The following PPAT variants were observed in gnomAD, a reference collection of about 807,000 sequenced individuals.
PPAT encodes the protein amidophosphoribosyltransferase.
In PPAT, 20 loss-of-function variants were observed where a neutral mutation model predicts 60.2. The ratio of observed to expected loss-of-function variants is 0.33; its 90% CI spans 0.23 to 0.48. The LOEUF (loss-of-function observed/expected upper bound fraction) is 0.48, where lower values mean the gene tolerates loss of function less well. PPAT is among the 20% of genes least tolerant of loss of function. PPAT has a pLI of 0.99. For missense variants in PPAT, 349 were observed against 629.6 expected (o/e 0.55, Z 4.77); for synonymous variants, 194 against 215.1 (o/e 0.90, Z 0.86).
chr4:56,420,574 T>C (rs1472376222), intron 1 of PPAT: 1 of 152,142 alleles, frequency 6.6e-6, no homozygotes, highest in African/African-American at 2.4e-5. Flanking sequence ...AGTACAGTTA[T>C]ACAAAAAGGA....
intron 1 of PPAT, among the ~76,000 whole-genome samples, chr4:56,428,711 T>C (rs1717424408): frequency 1.3e-5 from 2 of 152,152 alleles, no homozygotes; most frequent in African/African-American, 2.4e-5. Context: ...CCTTACACTA[T>C]TGTATGCTCA....
chr4:56,402,826 A>G (rs1265177184), intron 5 of PPAT, among the ~76,000 whole-genome samples: 1 of 102,536 alleles, frequency 9.8e-6, no homozygotes, highest in African/African-American at 4.1e-5. Context: ...TCTCCAAAAA[A>G]AAAAAAAAAA....
At chr4:56,431,405 TG>T (rs961969976) in intron 1 of PPAT, 2 of 977,698 alleles carry the variant, frequency 2.0e-6, no homozygotes, top group Admixed American at 6.2e-5. Flanking sequence ...GGTAATGTTC[TG>T]TACTCTGTTT....
In PPAT at chr4:56,395,303, T is replaced by C; in HGVS notation, c.*49A>G. ...ATAGATGAGGTGTGACCACTATAAC[T>C]TCTTGACCAACTTTCTATCTTGAAA... On this transcript the variant is annotated 3_prime_UTR_variant, in exon 11 of 11. Transcript: ENST00000264220. 1 of 1,512,420 alleles carries C rather than the reference T, an allele frequency of 6.6e-7. No individual in the cohort carries two copies. The highest frequency in any genetic ancestry group is 9.0e-7 in the Non-Finnish European group (1 of 1,108,178). 93.7% of individuals were successfully genotyped at this position (1,512,420 alleles called of 1,614,324 possible).
chr4:56,406,819 G>A lies in PPAT; in HGVS notation c.196-118C>T, dbSNP rs918370464. On this transcript the variant is annotated intron_variant, in intron 2 of 10. Coordinates refer to ENST00000264220, the MANE Select transcript of PPAT (RefSeq NM_002703.5). ...ACAAAGAAGTACATTTAATATCTCTGTGTTTCAGAATTCTAATCTAAAAAA... is the reference window on the plus strand; with the variant it reads ...ACAAAGAAGTACATTTAATATCTCTATGTTTCAGAATTCTAATCTAAAAAA... The A allele has an allele frequency of 8.4e-6, 6 of 715,274 alleles. No individual in the cohort carries two copies. In the African/African-American group the frequency reaches 9.0e-5, roughly 11 times the overall value. 44.3% of individuals were successfully genotyped at this position (715,274 alleles called of 1,614,324 possible). A position where few individuals can be genotyped will look rare whatever the true frequency, so the allele number is the denominator to read the frequency against.
intron 1 of PPAT, among the ~76,000 whole-genome samples, chr4:56,429,630 C>A (rs546925165): frequency 1.3e-5 from 2 of 152,288 alleles, no homozygotes; most frequent in East Asian, 3.9e-4. Flanking sequence ...CTAAAATAAT[C>A]CAGCTTTAAT....
At chr4:56,428,933 A>T in intron 1 of PPAT, 1 of 922,260 alleles carries the variant, frequency 1.1e-6, no homozygotes, top group Non-Finnish European at 1.3e-6. Flanking sequence ...CTGTGTTTTT[A>T]TTTAAGAATT....
At chr4:56,408,919 T>A (rs897256686) in intron 1 of PPAT, among the ~76,000 whole-genome samples, 1 of 152,088 alleles carries the variant, frequency 6.6e-6, no homozygotes, top group African/African-American at 2.4e-5. Context: ...CGCGCTAACC[T>A]TGTATAAAAA....
intron 8 of PPAT, chr4:56,400,063 C>G (rs1024762722): frequency 6.6e-6 from 1 of 152,130 alleles, no homozygotes; most frequent in African/African-American, 2.4e-5. Context: ...GTAAATTTTT[C>G]CACTGAATAT....
intron 1 of PPAT, among the ~76,000 whole-genome samples, chr4:56,409,283 G>T (rs999435676): frequency 2.0e-5 from 3 of 152,172 alleles, no homozygotes; most frequent in Non-Finnish European, 2.9e-5. Flanking sequence ...TCCAACTGCA[G>T]AATTTATGCT....
chr4:56,429,543 T>C (rs542857579), intron 1 of PPAT, among the ~76,000 whole-genome samples: 1 of 152,242 alleles, frequency 6.6e-6, no homozygotes, highest in African/African-American at 2.4e-5. Context: ...ATAAGACTAA[T>C]AAGAAAACCT....
chr4:56,425,905 T>C (rs955643054), intron 1 of PPAT, among the ~76,000 whole-genome samples: 6 of 152,196 alleles, frequency 3.9e-5, no homozygotes, highest in African/African-American at 9.6e-5. Context: ...CCTTTATAAC[T>C]TCCCACAGAC....
At chr4:56,432,470 G>T (rs998592848) in intron 1 of PPAT, among the ~76,000 whole-genome samples, 1 of 147,930 alleles carries the variant, frequency 6.8e-6, no homozygotes, top group Non-Finnish European at 1.5e-5. Context: ...AGGTTGCAAT[G>T]AGCCCAGATC....
intron 9 of PPAT, among the ~76,000 whole-genome samples, 197 bp downstream of exon 9, chr4:56,398,982 A>G (rs1439410812): frequency 6.6e-6 from 1 of 152,034 alleles, no homozygotes; most frequent in African/African-American, 2.4e-5. Context: ...TTTTTAATCT[A>G]TTAAGGATTA....
intron 1 of PPAT, among the ~76,000 whole-genome samples, chr4:56,415,645 T>G (rs1215361944): frequency 6.6e-6 from 1 of 152,208 alleles, no homozygotes; most frequent in Non-Finnish European, 1.5e-5. Context: ...AGCTATTTGA[T>G]CATACATGCC....
At chr4:56,412,432 C>A (rs1361270719) in intron 1 of PPAT, among the ~76,000 whole-genome samples, 2 of 152,016 alleles carry the variant, frequency 1.3e-5, no homozygotes, top group Non-Finnish European at 2.9e-5. Context: ...ACTCAGCCTC[C>A]TGAATAGCTG....
intron 5 of PPAT, 59 bp from the exon 6 acceptor site, chr4:56,402,240 A>T: frequency 7.9e-7 from 1 of 1,269,300 alleles, no homozygotes; most frequent in Non-Finnish European, 1.1e-6. Flanking sequence ...GGCTATTTCA[A>T]TGGAACAGCT....
chr4:56,410,028 G>A (rs1342702979), intron 1 of PPAT, among the ~76,000 whole-genome samples: 1 of 152,096 alleles, frequency 6.6e-6, no homozygotes, highest in East Asian at 1.9e-4. Context: ...TACCATATGG[G>A]ACTAAATAAA....
intron 1 of PPAT, among the ~76,000 whole-genome samples, chr4:56,429,800 C>T (rs1341685652): frequency 6.6e-6 from 1 of 152,178 alleles, no homozygotes; most frequent in African/African-American, 2.4e-5. Flanking sequence ...TCCTTCCGCC[C>T]CCATAAACAT....
Sources: allele counts gnomAD v4.1 joint callset (sites outside exome capture counted in the v4.1 genomes callset), GRCh38; gene constraint gnomAD v4.1.1; transcripts MANE v1.5; gene names NCBI Gene and HGNC (gene_info 2026-07-23, HGNC 2026-07-21).